The following ATP1B1 variants were observed in gnomAD, a reference collection of about 807,000 sequenced individuals.
ATP1B1 encodes the protein ATPase Na+/K+ transporting subunit beta 1, also known as sodium/potassium-transporting ATPase subunit beta-1.
ATP1B1 carries 3 observed loss-of-function variants against 39.6 expected under a neutral mutation model. The ratio of observed to expected loss-of-function variants is 0.08; its 90% CI spans 0.03 to 0.20. ATP1B1 has a LOEUF of 0.20. Ranked by LOEUF, ATP1B1 falls within the 10% of genes least tolerant of loss-of-function variation. The pLI is 1.00. For missense variants in ATP1B1, 216 were observed against 371.1 expected (o/e 0.58, Z 3.43); for synonymous variants, 139 against 135.0 (o/e 1.03, Z -0.20).
intron 2 of ATP1B1, among the ~76,000 whole-genome samples, chr1:169,119,557 G>C (rs1203546697): frequency 6.6e-6 from 1 of 152,218 alleles, no homozygotes; most frequent in East Asian, 1.9e-4. Flanking sequence ...AGAGGGGCAT[G>C]ATGGGAGAAA....
chr1:169,114,744 G>C (rs925564191), intron 2 of ATP1B1, among the ~76,000 whole-genome samples: 2 of 152,118 alleles, frequency 1.3e-5, no homozygotes, highest in African/African-American at 4.8e-5. Flanking sequence ...TCGTGTTGCA[G>C]CCGGTGTGGT....
At chr1:169,129,760 G>T (rs1658165412) in intron 4 of ATP1B1, among the ~76,000 whole-genome samples, 1 of 152,176 alleles carries the variant, frequency 6.6e-6, no homozygotes, top group Non-Finnish European at 1.5e-5. Context: ...GTTCCATTTA[G>T]TACTGGTTTG....
intron 2 of ATP1B1, among the ~76,000 whole-genome samples, chr1:169,124,376 A>C (rs1427645987): frequency 6.6e-6 from 1 of 152,146 alleles, no homozygotes; most frequent in Non-Finnish European, 1.5e-5. Context: ...AGAATTTGGA[A>C]TGGTTATACA....
chr1:169,111,229 G>A, intron 1 of ATP1B1, 141 bp from the exon 2 acceptor site: 1 of 1,132,432 alleles, frequency 8.8e-7, no homozygotes, highest in South Asian at 1.5e-5. Context: ...AGTGGGGTGA[G>A]GTGCACTCTT....
intron 2 of ATP1B1, among the ~76,000 whole-genome samples, chr1:169,112,033 A>G (rs367551864): frequency 2.0e-5 from 3 of 152,190 alleles, no homozygotes; most frequent in Non-Finnish European, 2.9e-5. Flanking sequence ...TTAGGGGTCT[A>G]TTGTCCCACC....
chr1:169,123,906 C>T (rs562220676), intron 2 of ATP1B1, among the ~76,000 whole-genome samples: 2 of 152,238 alleles, frequency 1.3e-5, no homozygotes, highest in Admixed American at 6.5e-5. Context: ...GGATTATAGG[C>T]GTGAGCCACC....
At chr1:169,130,738 A>C (rs1658195017) in intron 5 of ATP1B1, among the ~76,000 whole-genome samples, 1 of 143,470 alleles carries the variant, frequency 7.0e-6, no homozygotes, top group African/African-American at 2.6e-5. Flanking sequence ...AGCTGAGATC[A>C]CGCCATTGCA....
At chr1:169,115,223 CAT>C (rs78328556) in intron 2 of ATP1B1, among the ~76,000 whole-genome samples, 58,088 of 148,490 alleles carry the variant, frequency 0.39, 13,814 homozygotes, top group East Asian at 0.71. Context: ...GGTGGGGAAT[CAT>C]ATGCTCTGTG....
At chr1:169,109,882 C>T (rs1054842166) in intron 1 of ATP1B1, among the ~76,000 whole-genome samples, 2 of 152,022 alleles carry the variant, frequency 1.3e-5, no homozygotes, top group Non-Finnish European at 2.9e-5. Flanking sequence ...AAAAATTTTC[C>T]AGATCTCTTG....
chr1:169,130,104 T>A lies in ATP1B1; in HGVS notation c.648+14T>A. 3 of 1,612,370 alleles carry A rather than the reference T, an allele frequency of 1.9e-6. No homozygotes were observed. Among genetic ancestry groups the A allele is most frequent in the Non-Finnish European group, 1.7e-6 (2 of 1,178,658 alleles). ...TGCACTGGCAAGGTAAAGACAAATT[T>A]AGGGTTACTGGGGTGGTGGAAGGGT... On this transcript the variant is annotated intron_variant, in intron 5 of 5. Coordinates refer to ENST00000367815, the MANE Select transcript of ATP1B1 (RefSeq NM_001677.4).
At chr1:169,129,636 A>G (rs1658162788) in intron 4 of ATP1B1, among the ~76,000 whole-genome samples, 1 of 152,218 alleles carries the variant, frequency 6.6e-6, no homozygotes, top group Admixed American at 6.5e-5. Flanking sequence ...AAAAACAGAA[A>G]TGTCAATCAT....
intron 2 of ATP1B1, among the ~76,000 whole-genome samples, chr1:169,114,817 G>T (rs922957778): frequency 6.6e-6 from 1 of 151,774 alleles, no homozygotes; most frequent in Admixed American, 6.6e-5. Context: ...TGAAGGCAGG[G>T]GTTCAAGACC....
rs143405458 is a variant in ATP1B1 at position 169,109,076 on chromosome 1, C to G, written c.97+2150C>G. ...TTTTCACCAAGATGGACGCAGGAGA[C>G]TCGCCTGTCACCTGCTGGAGAAATC... On this transcript the variant is annotated intron_variant, in intron 1 of 5. Transcript: ENST00000367815. Among the ~76,000 whole-genome samples the G allele has an allele frequency of 9.3e-3, 1,421 of 152,314 alleles. 20 individuals are homozygous for G. The highest frequency in any genetic ancestry group is 0.032 in the African/African-American group (1,341 of 41,574).
At chr1:169,125,516 A>G (rs192371080) in intron 3 of ATP1B1, among the ~76,000 whole-genome samples, 210 of 152,302 alleles carry the variant, frequency 1.4e-3, no homozygotes, top group African/African-American at 4.9e-3. Context: ...GTTGGGATAG[A>G]TAATGAAATA....
At chr1:169,123,309 C>T (rs1481667656) in intron 2 of ATP1B1, among the ~76,000 whole-genome samples, 2 of 151,710 alleles carry the variant, frequency 1.3e-5, no homozygotes, top group East Asian at 3.9e-4. Flanking sequence ...TTAGAGATTA[C>T]GATTTTGCAG....
intron 2 of ATP1B1, among the ~76,000 whole-genome samples, chr1:169,120,793 C>T (rs1657962777): frequency 6.6e-6 from 1 of 152,114 alleles, no homozygotes; most frequent in African/African-American, 2.4e-5. Flanking sequence ...ACTTGGTTTT[C>T]ATTATTTCTT....
intron 1 of ATP1B1, among the ~76,000 whole-genome samples, chr1:169,107,251 C>T (rs909855578): frequency 7.2e-5 from 11 of 151,878 alleles, no homozygotes; most frequent in Non-Finnish European, 1.5e-4. Flanking sequence ...TCAGGCTCTG[C>T]GAGACTACAT....
At chr1:169,112,038 C>G (rs1230957615) in intron 2 of ATP1B1, among the ~76,000 whole-genome samples, 3 of 152,166 alleles carry the variant, frequency 2.0e-5, no homozygotes, top group Non-Finnish European at 1.5e-5. Flanking sequence ...GGTCTATTGT[C>G]CCACCTGCTG....
At chr1:169,108,343 A>G (rs1657649307) in intron 1 of ATP1B1, among the ~76,000 whole-genome samples, 1 of 152,076 alleles carries the variant, frequency 6.6e-6, no homozygotes, top group Non-Finnish European at 1.5e-5. Flanking sequence ...CCTGTGTTTT[A>G]CTGTGGAAAG....
Sources: gnomAD v4.1 joint callset for allele counts (sites outside exome capture counted in the v4.1 genomes callset) on GRCh38, gnomAD v4.1.1 for gene constraint, MANE v1.5 for transcripts, NCBI Gene and HGNC (gene_info 2026-07-23, HGNC 2026-07-21) for gene names.